The following DENND5A variants were observed in gnomAD, a reference collection of about 807,000 sequenced individuals.
DENND5A encodes DENN domain containing 5A.
DENND5A carries 64 observed loss-of-function variants against 140.3 expected under a neutral mutation model. That is an observed-to-expected ratio of 0.46 (90% CI 0.37 to 0.56). The LOEUF (loss-of-function observed/expected upper bound fraction) is 0.56, where lower values mean the gene tolerates loss of function less well. Ranked by LOEUF, DENND5A falls within the 20% of genes least tolerant of loss-of-function variation. The pLI, the probability that DENND5A is intolerant of heterozygous loss-of-function variation, is 0.00. For missense variants in DENND5A, 1,292 were observed against 1,593.8 expected (o/e 0.81, Z 3.22); for synonymous variants, 605 against 607.7 (o/e 1.00, Z 0.07).
At position 9,150,071 on chromosome 11, in the gene DENND5A, G is replaced by A; in HGVS notation, c.2735+10C>T. ...GGAGCCTGCTTCTACTCCTGGCGGA[G>A]CAGCCTTACTTGGTGAGCTCATGGT... On this transcript the variant is annotated intron_variant, in intron 15 of 22. Coordinates refer to ENST00000328194, the MANE Select transcript of DENND5A (RefSeq NM_015213.4). 1 of 1,605,762 alleles carries A rather than the reference G, an allele frequency of 6.2e-7. No homozygotes were observed. The highest frequency in any genetic ancestry group is 8.5e-7 in the Non-Finnish European group (1 of 1,176,678).
chr11:9,153,025 A>G (rs1402187791), intron 12 of DENND5A, among the ~76,000 whole-genome samples: 4 of 150,214 alleles, frequency 2.7e-5, no homozygotes, highest in African/African-American at 9.8e-5. Flanking sequence ...AAAGAAAGAA[A>G]GAAAAAAGCA....
In DENND5A at chr11:9,170,685, G is replaced by A. The variant is rs1250629596; in HGVS notation, c.1999C>T (p.Pro667Ser). 6.2e-7 allele frequency: 1 copy of A among 1,613,948 alleles called. No individual in the cohort carries two copies. Among genetic ancestry groups the A allele is most frequent in the East Asian group, 2.2e-5 (1 of 44,870 alleles). ...GACTGCAGCTTAGGGAAGAAGCCCG[G>A]CTCATATTTCCCTTGTCCAATCTTC... Reference protein sequence around the residue: ...DMKIGQGKYEPGFFPKLQSDV... With the variant: ...DMKIGQGKYESGFFPKLQSDV... The change falls in exon 9 of 23, where the codon CCG becomes TCG. Residue 667 changes from proline to serine, a missense_variant. By Grantham distance (74) the Pro-to-Ser change is moderately conservative. Around this residue, in one of 4 missense-constraint regions of DENND5A, gnomAD observed 199 missense variants for 189.1 expected, o/e 1.05. Coordinates refer to ENST00000328194, the MANE Select transcript of DENND5A (RefSeq NM_015213.4).
chr11:9,204,267 C>G lies in DENND5A; in HGVS notation c.342G>C (p.Glu114Asp), dbSNP rs977123203. 2.5e-6 allele frequency: 4 copies of G among 1,613,814 alleles called. No homozygotes were observed. The highest frequency in any genetic ancestry group is 1.1e-5 in the South Asian group (1 of 91,078). Residue 114 changes from glutamate (E) to aspartate (D), a missense_variant, in exon 4 of 23, where the codon GAG becomes GAC. Physicochemically the swap from Glu to Asp is conservative, Grantham distance 45. Around this residue, in one of 4 missense-constraint regions of DENND5A, gnomAD observed 566 missense variants for 650.4 expected, o/e 0.87. Transcript: ENST00000328194. Reference protein sequence around the residue: ...LAFKTQADPREPQFHAFIITR... With the variant: ...LAFKTQADPRDPQFHAFIITR... ...TGATAATAAAGGCATGGAATTGGGG[C>G]TCCCTGGGATCAGCCTGGGTCTTGA...
At chr11:9,213,653 A>AC (rs1849967800) in intron 1 of DENND5A, among the ~76,000 whole-genome samples, 1 of 151,506 alleles carries the variant, frequency 6.6e-6, no homozygotes, top group Non-Finnish European at 1.5e-5. Flanking sequence ...ACTAAAACAC[A>AC]AAAATTAGCC....
intron 8 of DENND5A, among the ~76,000 whole-genome samples, chr11:9,176,190 G>T (rs574757853): frequency 6.6e-6 from 1 of 152,186 alleles, no homozygotes; most frequent in East Asian, 1.9e-4. Context: ...ACTAGAAAAT[G>T]TAAGACTTTG....
At chr11:9,190,530 A>G (rs1849084111) in intron 5 of DENND5A, among the ~76,000 whole-genome samples, 1 of 152,124 alleles carries the variant, frequency 6.6e-6, no homozygotes, top group Non-Finnish European at 1.5e-5. Context: ...GTAAGACGTG[A>G]CTTGCTCCTC....
chr11:9,185,123 G>A (rs1396553250), intron 5 of DENND5A, among the ~76,000 whole-genome samples: 2 of 152,056 alleles, frequency 1.3e-5, no homozygotes, highest in South Asian at 2.1e-4. Flanking sequence ...CCCAGCAGGC[G>A]GAGTCTGCAG....
chr11:9,195,368 G>A (rs1427421153), intron 4 of DENND5A, among the ~76,000 whole-genome samples: 6 of 152,276 alleles, frequency 3.9e-5, no homozygotes, highest in South Asian at 4.1e-4. Flanking sequence ...GAGCCACTGC[G>A]CTTGGCCTAA....
chr11:9,142,137 A>G (rs747858190), intron 21 of DENND5A, 29 bp from the exon 22 acceptor site: 9 of 1,549,892 alleles, frequency 5.8e-6, no homozygotes, highest in Non-Finnish European at 7.9e-6. Flanking sequence ...CTTGCCAGTG[A>G]AAAGGCTCTC....
chr11:9,206,813 C>CT (rs749919628), intron 2 of DENND5A, 31 bp from the exon 3 acceptor site: 1 of 1,476,426 alleles, frequency 6.8e-7, no homozygotes. Context: ...TAAATCATTT[C>CT]TACAAAATCC....
At chr11:9,232,274 G>A (rs942257768) in intron 1 of DENND5A, among the ~76,000 whole-genome samples, 10 of 151,756 alleles carry the variant, frequency 6.6e-5, no homozygotes, top group African/African-American at 1.5e-4. Flanking sequence ...CTTGAAAGTC[G>A]CCATTAAAAG....
intron 1 of DENND5A, among the ~76,000 whole-genome samples, chr11:9,235,994 A>G (rs957203031): frequency 1.3e-5 from 2 of 152,170 alleles, no homozygotes; most frequent in African/African-American, 4.8e-5. Context: ...TAATCTCAGC[A>G]CTTTGGGAGG....
At position 9,139,406 on chromosome 11, in the gene DENND5A, C is replaced by A; in HGVS notation, c.*265G>T. 4.6e-6 allele frequency: 2 copies of A among 438,784 alleles called. No individual in the cohort carries two copies. The highest frequency in any genetic ancestry group is 8.3e-6 in the Non-Finnish European group (2 of 240,182). 27.2% of individuals were successfully genotyped at this position (438,784 alleles called of 1,614,324 possible). ...TCAGGCTTCCAGCATGTGGCCACGG[C>A]GAGGGAGGGCACCAGCTTCAAAATA... On this transcript the variant is annotated 3_prime_UTR_variant, in exon 23 of 23. Transcript: ENST00000328194.
At chr11:9,166,277 C>A (rs1262196395) in intron 10 of DENND5A, among the ~76,000 whole-genome samples, 4 of 151,892 alleles carry the variant, frequency 2.6e-5, no homozygotes, top group Non-Finnish European at 5.9e-5. Flanking sequence ...CGGGGTTTCA[C>A]CATGTTAGCC....
chr11:9,194,248 G>C (rs1389615343), intron 4 of DENND5A, among the ~76,000 whole-genome samples: 1 of 152,146 alleles, frequency 6.6e-6, no homozygotes, highest in Non-Finnish European at 1.5e-5. Flanking sequence ...GCATAAAAAT[G>C]TTATTATAAC....
intron 1 of DENND5A, among the ~76,000 whole-genome samples, chr11:9,222,458 T>C (rs1054275343): frequency 2.0e-5 from 3 of 152,174 alleles, no homozygotes; most frequent in Non-Finnish European, 4.4e-5. Context: ...AAATACTGTA[T>C]AATGGCCTGT....
chr11:9,210,703 TA>T (rs1343884332), intron 1 of DENND5A, among the ~76,000 whole-genome samples: 2 of 152,120 alleles, frequency 1.3e-5, no homozygotes, highest in Non-Finnish European at 2.9e-5. Context: ...GCTAATTGTT[TA>T]AATTTTTTTG....
At chr11:9,264,812 C>T in intron 1 of DENND5A, 149 bp downstream of exon 1, 3 of 652,298 alleles carry the variant, frequency 4.6e-6, no homozygotes, top group East Asian at 3.3e-5. Context: ...CCCCTCCAGT[C>T]CAAAGCCCCC....
chr11:9,173,783 CAACAAAG>C (rs1848451605), intron 8 of DENND5A, among the ~76,000 whole-genome samples: 3 of 152,058 alleles, frequency 2.0e-5, no homozygotes, highest in African/African-American at 7.2e-5. Flanking sequence ...GCTAGTAAAC[CAACAAAG>C]TAGATAAAAT....
Sources: allele counts gnomAD v4.1 joint callset (sites outside exome capture counted in the v4.1 genomes callset), GRCh38; gene constraint gnomAD v4.1.1; regional missense constraint gnomAD v4.1.1; transcripts MANE v1.5; gene names NCBI Gene and HGNC (gene_info 2026-07-23, HGNC 2026-07-21).